PLEKHM3: variants seen among roughly 807,000 people sequenced by gnomAD.
The protein encoded by PLEKHM3 is pleckstrin homology domain-containing family M member 3.
In PLEKHM3, 45 loss-of-function variants were observed where a neutral mutation model predicts 81.8. That is an observed-to-expected ratio of 0.55 (90% CI 0.43 to 0.71). The LOEUF (loss-of-function observed/expected upper bound fraction) is 0.71. PLEKHM3 is among the 30% of genes least tolerant of loss of function. PLEKHM3 has a pLI of 0.00. For missense variants in PLEKHM3, 788 were observed against 924.3 expected, an observed-to-expected ratio of 0.85 and a Z score of 1.91; for synonymous variants, 352 against 356.4, an observed-to-expected ratio of 0.99 and a Z score of 0.14.
chr2:207,893,324 T>C (rs1337015251), intron 6 of PLEKHM3, among the ~76,000 whole-genome samples: 1 of 152,018 alleles, frequency 6.6e-6, no homozygotes, highest in Non-Finnish European at 1.5e-5. Flanking sequence ...CTTCTTTGGG[T>C]TTTGGGGGAG....
At chr2:207,856,672 C>T (rs1038508342) in intron 7 of PLEKHM3, among the ~76,000 whole-genome samples, 8 of 152,096 alleles carry the variant, frequency 5.3e-5, no homozygotes, top group African/African-American at 1.7e-4. Context: ...AATAATATTC[C>T]GTTGTATGGA....
intron 2 of PLEKHM3, among the ~76,000 whole-genome samples, chr2:207,978,157 ACGTG>A (rs1691384059): frequency 3.3e-5 from 5 of 151,994 alleles, no homozygotes; most frequent in African/African-American, 9.7e-5. Flanking sequence ...GGGGCATGGA[ACGTG>A]CAACATCAAC....
chr2:208,001,121 C>G lies in PLEKHM3; in HGVS notation c.519G>C (p.Gln173His). The G allele has an allele frequency of 1.9e-6, 3 of 1,601,224 alleles. No individual in the cohort carries two copies. The South Asian group carries it at 3.3e-5, about 18-fold the overall frequency. ...LKTTPLQQQQ[Q>H]QQPLLQGPHV... is the part of the protein sequence containing the mutation. ...GCGGGCCTTGAAGCAATGGCTGCTG[C>G]TGTTGCTGCTGCTGCAAAGGCGTGG... Residue 173 changes from glutamine to histidine, a missense_variant, in exon 2 of 8, where the codon CAG (glutamine) becomes CAC (histidine). By Grantham distance (24) the Gln-to-His change is conservative. Transcript: ENST00000427836.
At chr2:207,879,606 A>T (rs1444284084) in intron 6 of PLEKHM3, among the ~76,000 whole-genome samples, 2 of 152,224 alleles carry the variant, frequency 1.3e-5, no homozygotes, top group Non-Finnish European at 2.9e-5. Context: ...AATGGCAGGA[A>T]CACAGAGGGC....
At chr2:207,963,143 G>C (rs1025707034) in intron 3 of PLEKHM3, among the ~76,000 whole-genome samples, 11 of 152,090 alleles carry the variant, frequency 7.2e-5, no homozygotes, top group Non-Finnish European at 1.2e-4. Flanking sequence ...GGATGGAGAG[G>C]GTGTTTTTGA....
chr2:208,000,599 G>T (rs1692263901), intron 2 of PLEKHM3, among the ~76,000 whole-genome samples: 1 of 152,186 alleles, frequency 6.6e-6, no homozygotes, highest in Non-Finnish European at 1.5e-5. Flanking sequence ...TTAGGGCAGG[G>T]ATTGTGTCTT....
At chr2:207,890,399 G>A (rs986088743) in intron 6 of PLEKHM3, among the ~76,000 whole-genome samples, 2 of 152,270 alleles carry the variant, frequency 1.3e-5, no homozygotes, top group African/African-American at 4.8e-5. Context: ...AGGCCGAGGT[G>A]GGTGGATCAC....
chr2:207,946,187 T>C (rs1690121121), intron 4 of PLEKHM3, among the ~76,000 whole-genome samples, 180 bp downstream of exon 4: 1 of 152,210 alleles, frequency 6.6e-6, no homozygotes, highest in Non-Finnish European at 1.5e-5. Flanking sequence ...ATAAGAGTCA[T>C]AGTTAAGAAG....
rs543620142 is a variant in PLEKHM3 at position 207,943,389 on chromosome 2, A to C, written c.1692+2978T>G. ...AGAAGGTACATTCAAGGCAGATGTC[A>C]CAACATTCTGGCAGAAGGATCAGAA... On this transcript the variant is annotated intron_variant, in intron 4 of 7. Transcript: ENST00000427836. Among the ~76,000 whole-genome samples the C allele has an allele frequency of 2.6e-5, 4 of 152,342 alleles. No individual in the cohort carries two copies. The South Asian group carries it at 8.3e-4, about 32-fold the overall frequency.
chr2:207,855,038 G>C (rs937970007), intron 7 of PLEKHM3, among the ~76,000 whole-genome samples: 4 of 152,142 alleles, frequency 2.6e-5, no homozygotes, highest in Non-Finnish European at 4.4e-5. Flanking sequence ...CAGGAACGGA[G>C]GGCTTTAAAA....
In PLEKHM3 at chr2:207,834,130, CTT is replaced by C. The variant is rs35913574; in HGVS notation, c.2109-5636_2109-5635del. Among the ~76,000 whole-genome samples, 20 of 140,520 alleles carry C rather than the reference CTT, an allele frequency of 1.4e-4. No homozygotes were observed. In the East Asian group the frequency reaches 1.6e-3, roughly 12 times the overall value. 92.2% of individuals were successfully genotyped at this position (140,520 alleles called of 152,430 possible). A position where few individuals can be genotyped will look rare whatever the true frequency, so the allele number is the denominator to read the frequency against. The stretch of plus-strand genomic sequence containing the variant: ...TCAACTCACTCTGATTTTTCTCTTT[CTT>C]TTTTTTTTTTTTTGAGACAGAGTTT... On this transcript the variant is annotated intron_variant, in intron 7 of 7. Coordinates refer to ENST00000427836, the MANE Select transcript of PLEKHM3 (RefSeq NM_001080475.3).
intron 4 of PLEKHM3, 117 bp downstream of exon 4, chr2:207,946,250 A>G (rs1690124464): frequency 8.2e-7 from 1 of 1,218,040 alleles, no homozygotes; most frequent in South Asian, 1.6e-5. Context: ...TGCAGCTTTT[A>G]TGAGACTACC....
At chr2:207,978,497 A>G (rs896403233) in intron 2 of PLEKHM3, among the ~76,000 whole-genome samples, 2 of 152,164 alleles carry the variant, frequency 1.3e-5, no homozygotes, top group Non-Finnish European at 2.9e-5. Flanking sequence ...GGGTCAATGA[A>G]TAGGAGCGAG....
At chr2:207,911,965 C>T (rs1458633976) in intron 5 of PLEKHM3, among the ~76,000 whole-genome samples, 1 of 152,150 alleles carries the variant, frequency 6.6e-6, no homozygotes, top group Non-Finnish European at 1.5e-5. Context: ...GGATATCAGA[C>T]TTATTTACAA....
chr2:207,924,209 T>C (rs1476445300), intron 5 of PLEKHM3, among the ~76,000 whole-genome samples: 1 of 151,672 alleles, frequency 6.6e-6, no homozygotes, highest in African/African-American at 2.4e-5. Flanking sequence ...CTGGCCCACA[T>C]GGATATATTT....
chr2:207,834,409 A>T (rs10179364), intron 7 of PLEKHM3, among the ~76,000 whole-genome samples: 2 of 149,538 alleles, frequency 1.3e-5, no homozygotes, highest in East Asian at 3.9e-4. Flanking sequence ...GGATTGCAGG[A>T]GTGAGCCACC....
intron 5 of PLEKHM3, among the ~76,000 whole-genome samples, chr2:207,929,167 T>C (rs1689504455): frequency 6.6e-6 from 1 of 152,100 alleles, no homozygotes; most frequent in African/African-American, 2.4e-5. Flanking sequence ...AAAGGGAAAA[T>C]GAAGGGGAAA....
intron 5 of PLEKHM3, chr2:207,930,005 A>C: frequency 1.5e-6 from 1 of 670,932 alleles, no homozygotes; most frequent in Admixed American, 2.2e-5. Context: ...CAATTATTTC[A>C]AGTATAAGCT....
At chr2:208,005,531 G>A (rs918735499) in intron 1 of PLEKHM3, among the ~76,000 whole-genome samples, 1 of 152,050 alleles carries the variant, frequency 6.6e-6, no homozygotes, top group Non-Finnish European at 1.5e-5. Context: ...ATATGTTTTT[G>A]AGTGGAAGCC....
Sources: gnomAD v4.1 joint callset for allele counts (sites outside exome capture counted in the v4.1 genomes callset) on GRCh38, gnomAD v4.1.1 for gene constraint, MANE v1.5 for transcripts, NCBI Gene and HGNC (gene_info 2026-07-23, HGNC 2026-07-21) for gene names.